The following FNIP1 variants were observed in gnomAD, a reference collection of about 807,000 sequenced individuals.
FNIP1 encodes folliculin-interacting protein 1.
FNIP1 carries 40 observed loss-of-function variants against 124.5 expected under a neutral mutation model. That is an observed-to-expected ratio of 0.32 (90% CI 0.25 to 0.42). The LOEUF is 0.42. Ranked by LOEUF, FNIP1 falls within the 10% of genes least tolerant of loss-of-function variation. The pLI, the probability that FNIP1 is intolerant of heterozygous loss-of-function variation, is 1.00. For missense variants in FNIP1, 1,176 were observed against 1,403.7 expected (o/e 0.84, Z 2.59); for synonymous variants, 472 against 470.6 (o/e 1.00, Z -0.04).
chr5:131,775,463 C>CAACT (rs142401732), intron 1 of FNIP1, among the ~76,000 whole-genome samples: 115,725 of 148,288 alleles, frequency 0.78, 45,344 homozygotes, highest in Middle Eastern at 0.82. Context: ...AAATATGTAT[C>CAACT]ATCTAATAAT....
At position 131,643,501 on chromosome 5, in the gene FNIP1, C is replaced by T. The variant is rs1766777213; in HGVS notation, c.*1184G>A. On this transcript the variant is annotated 3_prime_UTR_variant, in exon 18 of 18. Transcript: ENST00000510461. ...TAGAAAGTATTGAAAACTTTATCCACCCACCTTTCTATTTACATTACTTAC... is the reference window on the plus strand; with the variant it reads ...TAGAAAGTATTGAAAACTTTATCCATCCACCTTTCTATTTACATTACTTAC... 6.5e-6 allele frequency: 1 copy of T among 152,698 alleles called. No individual in the cohort carries two copies. The highest frequency in any genetic ancestry group is 1.5e-5 in the Non-Finnish European group (1 of 68,018). 9.5% of individuals were successfully genotyped at this position (152,698 alleles called of 1,614,324 possible). A position where few individuals can be genotyped will look rare whatever the true frequency, so the allele number is the denominator to read the frequency against.
rs574635677 is a variant in FNIP1, at chr5:131,796,612, G to A, written c.92+218C>T. ...GTAAACAAACCGACGGGAGGAGGGG[G>A]AAGGGGCAACGGCGAGGCGGGTGGG... On this transcript the variant is annotated intron_variant, in intron 1 of 17. Transcript: ENST00000510461. 8 of 565,626 alleles carry A rather than the reference G, an allele frequency of 1.4e-5. No individual in the cohort carries two copies. In the South Asian group the frequency reaches 1.5e-4, roughly 11 times the overall value. The allele number at this position is 565,626 out of a possible 1,614,324, so 35.0% of individuals were successfully genotyped here.
chr5:131,738,303 G>A (rs1770385721), intron 2 of FNIP1, among the ~76,000 whole-genome samples: 2 of 152,042 alleles, frequency 1.3e-5, no homozygotes, highest in African/African-American at 4.8e-5. Context: ...CTACTGAGTG[G>A]TTCTTGATTT....
At chr5:131,734,115 G>A (rs180802368) in intron 2 of FNIP1, among the ~76,000 whole-genome samples, 4,723 of 152,202 alleles carry the variant, frequency 0.031, 273 homozygotes, top group African/African-American at 0.11. Flanking sequence ...GTTTATTTGC[G>A]TAGAGGTGTT....
At chr5:131,721,545 T>C (rs547187848) in intron 3 of FNIP1, among the ~76,000 whole-genome samples, 1 of 152,184 alleles carries the variant, frequency 6.6e-6, no homozygotes, top group Non-Finnish European at 1.5e-5. Context: ...ACGCTTGTAA[T>C]ACCAGCATTT....
chr5:131,670,416 A>G (rs1247489744), intron 15 of FNIP1, 47 bp downstream of exon 15: 7 of 1,473,846 alleles, frequency 4.7e-6, no homozygotes, highest in Middle Eastern at 1.8e-4. Context: ...TCTGCTGCTT[A>G]ACAGAGTTTC....
intron 1 of FNIP1, among the ~76,000 whole-genome samples, chr5:131,766,220 G>C (rs1387959990): frequency 6.6e-6 from 1 of 151,806 alleles, no homozygotes; most frequent in African/African-American, 2.4e-5. Flanking sequence ...CAAGTAGTGA[G>C]GACTACAGAA....
chr5:131,720,271 T>A (rs1369772678), intron 3 of FNIP1, among the ~76,000 whole-genome samples: 1 of 152,188 alleles, frequency 6.6e-6, no homozygotes, highest in Non-Finnish European at 1.5e-5. Context: ...CCTTAACAAA[T>A]GCTTCTTGGA....
chr5:131,672,725 T>G lies in FNIP1; in HGVS notation c.1719A>C (p.Leu573Phe). 3 of 1,613,636 alleles carry G rather than the reference T, an allele frequency of 1.9e-6. No individual in the cohort carries two copies. The highest frequency in any genetic ancestry group is 2.5e-6 in the Non-Finnish European group (3 of 1,179,760). The change falls in exon 14 of 18, where the codon TTA (leucine) becomes TTC (phenylalanine). Residue 573 changes from leucine to phenylalanine, a missense_variant. Leu to Phe is a conservative substitution (Grantham distance 22). Around this residue, in one of 2 missense-constraint regions of FNIP1, gnomAD observed 1,109 missense variants for 1,288.5 expected, o/e 0.86. Transcript: ENST00000510461. Reference sequence around the variant, plus strand: ...CTGATTCTTCTATTTCACCTTTCTCTAAAGTGGTAGTAATTACTGTGCCTG... The same window carrying G: ...CTGATTCTTCTATTTCACCTTTCTCGAAAGTGGTAGTAATTACTGTGCCTG... ...VMPGTVITTTLEKGEIEESEY... is the reference protein window; with the variant it reads ...VMPGTVITTTFEKGEIEESEY...
intron 1 of FNIP1, among the ~76,000 whole-genome samples, chr5:131,781,169 C>G (rs1463376108): frequency 6.6e-6 from 1 of 152,234 alleles, no homozygotes; most frequent in Non-Finnish European, 1.5e-5. Flanking sequence ...TCTCTCAACT[C>G]TATGAAGTCT....
chr5:131,736,168 C>T (rs1043014501), intron 2 of FNIP1, among the ~76,000 whole-genome samples: 1 of 152,120 alleles, frequency 6.6e-6, no homozygotes, highest in Non-Finnish European at 1.5e-5. Context: ...TGTTTCAACT[C>T]TTGATAAAAA....
At chr5:131,702,781 T>C (rs1402151503) in intron 10 of FNIP1, among the ~76,000 whole-genome samples, 1 of 152,226 alleles carries the variant, frequency 6.6e-6, no homozygotes, top group African/African-American at 2.4e-5. Flanking sequence ...TGATCACTCC[T>C]TCCTTGAAAT....
intron 1 of FNIP1, among the ~76,000 whole-genome samples, chr5:131,768,485 A>AG (rs1771515152): frequency 6.6e-6 from 1 of 150,818 alleles, no homozygotes; most frequent in Non-Finnish European, 1.5e-5. Context: ...TTTTTTAAAA[A>AG]GGGGGGAACT....
chr5:131,727,755 G>C (rs1769934173), intron 3 of FNIP1, among the ~76,000 whole-genome samples: 1 of 152,152 alleles, frequency 6.6e-6, no homozygotes. Flanking sequence ...GTTTGTTCAT[G>C]CTGTTTCTTC....
chr5:131,707,925 T>G (rs1272270349), intron 8 of FNIP1, among the ~76,000 whole-genome samples: 1 of 152,140 alleles, frequency 6.6e-6, no homozygotes, highest in Admixed American at 6.5e-5. Flanking sequence ...ATTAAATTCC[T>G]GCCAGGGAAG....
At chr5:131,776,212 T>C (rs1001709582) in intron 1 of FNIP1, among the ~76,000 whole-genome samples, 7 of 152,188 alleles carry the variant, frequency 4.6e-5, no homozygotes, top group Admixed American at 6.5e-5. Flanking sequence ...ATATTTTATA[T>C]GGTAAGGTGT....
intron 1 of FNIP1, 158 bp downstream of exon 1, chr5:131,796,672 C>T: frequency 1.5e-6 from 1 of 658,070 alleles, no homozygotes; most frequent in South Asian, 2.0e-5. Flanking sequence ...TCCAACCCTT[C>T]GGCGCTAGCC....
intron 3 of FNIP1, among the ~76,000 whole-genome samples, chr5:131,730,316 A>C (rs1360199383): frequency 2.0e-5 from 3 of 152,228 alleles, no homozygotes; most frequent in Non-Finnish European, 4.4e-5. Flanking sequence ...TTAAAAAGTC[A>C]AGATTCTATT....
At chr5:131,744,468 T>G in intron 2 of FNIP1, 96 bp downstream of exon 2, 1 of 1,242,218 alleles carries the variant, frequency 8.1e-7, no homozygotes, top group East Asian at 2.7e-5. Context: ...ATCCAGTCAT[T>G]TCCTTCTCCC....
Sources: allele counts gnomAD v4.1 joint callset (sites outside exome capture counted in the v4.1 genomes callset), GRCh38; gene constraint gnomAD v4.1.1; regional missense constraint gnomAD v4.1.1; transcripts MANE v1.5; gene names NCBI Gene and HGNC (gene_info 2026-07-23, HGNC 2026-07-21).